The following CIAO2A variants were observed in gnomAD, a reference collection of about 807,000 sequenced individuals.
CIAO2A encodes the protein MIP18 family protein FAM96A.
Under a neutral mutation model 22.4 loss-of-function variants are expected in CIAO2A, and 17 were observed. The ratio of observed to expected loss-of-function variants is 0.76; its 90% CI spans 0.52 to 1.14. The LOEUF is 1.14. CIAO2A is among the 50% of genes most tolerant of loss of function. The probability of loss-of-function intolerance (pLI) is 0.00; values close to 1 mark genes in which losing one functional copy is unlikely to be tolerated. For missense variants in CIAO2A, 192 were observed against 191.4 expected (o/e 1.00, Z -0.02); for synonymous variants, 74 against 72.3 (o/e 1.02, Z -0.12).
intron 1 of CIAO2A, among the ~76,000 whole-genome samples, chr15:64,091,569 T>C (rs1336040250): frequency 1.3e-5 from 2 of 152,050 alleles, no homozygotes; most frequent in African/African-American, 4.8e-5. Context: ...CAGAGCTGTG[T>C]TATCATGGGA....
At chr15:64,082,506 G>GCAT (rs2080765242) in intron 2 of CIAO2A, among the ~76,000 whole-genome samples, 1 of 152,164 alleles carries the variant, frequency 6.6e-6, no homozygotes, top group Non-Finnish European at 1.5e-5. Flanking sequence ...GGTATTATAG[G>GCAT]CATGAGCCAC....
At chr15:64,076,075 C>G (rs149006689) in intron 3 of CIAO2A, among the ~76,000 whole-genome samples, 14 of 151,700 alleles carry the variant, frequency 9.2e-5, no homozygotes, top group Non-Finnish European at 1.8e-4. Context: ...CTGGAAAAGG[C>G]CTGCAGGTGG....
chr15:64,078,228 T>C (rs1193145209), intron 3 of CIAO2A, among the ~76,000 whole-genome samples: 1 of 152,186 alleles, frequency 6.6e-6, no homozygotes, highest in Non-Finnish European at 1.5e-5. Context: ...ACCACTAGTA[T>C]AATAATTTAT....
chr15:64,083,543 C>A (rs1161152601), intron 2 of CIAO2A, among the ~76,000 whole-genome samples: 1 of 152,182 alleles, frequency 6.6e-6, no homozygotes, highest in Admixed American at 6.5e-5. Flanking sequence ...ACTACCTGCT[C>A]TGGAGGAATA....
chr15:64,080,989 G>A, intron 3 of CIAO2A, 113 bp downstream of exon 3: 1 of 1,029,132 alleles, frequency 9.7e-7, no homozygotes, highest in Non-Finnish European at 1.4e-6. Flanking sequence ...TAACAGACAA[G>A]CAAAAACCAC....
At chr15:64,093,408 T>A (rs927453675) in intron 1 of CIAO2A, among the ~76,000 whole-genome samples, 1 of 152,018 alleles carries the variant, frequency 6.6e-6, no homozygotes, top group Non-Finnish European at 1.5e-5. Flanking sequence ...TGGGTTCGGC[T>A]TGCCCCAGGT....
intron 2 of CIAO2A, among the ~76,000 whole-genome samples, chr15:64,085,653 TG>T (rs888484221): frequency 8.5e-5 from 13 of 152,212 alleles, no homozygotes; most frequent in Non-Finnish European, 1.8e-4. Context: ...TTAAGTAACT[TG>T]CCGAAGCCCA....
chr15:64,090,970 G>C (rs1002622541), intron 1 of CIAO2A, among the ~76,000 whole-genome samples: 4 of 152,152 alleles, frequency 2.6e-5, no homozygotes, highest in African/African-American at 9.7e-5. Flanking sequence ...TCTGAGGCTG[G>C]AGAAAGAGAT....
intron 3 of CIAO2A, among the ~76,000 whole-genome samples, chr15:64,076,705 A>G (rs543668257): frequency 6.6e-6 from 1 of 151,394 alleles, no homozygotes; most frequent in East Asian, 2.0e-4. Context: ...AGGGACCTTA[A>G]AGGTCATCTA....
intron 1 of CIAO2A, 94 bp downstream of exon 1, chr15:64,093,551 C>T (rs1367953317): frequency 7.3e-7 from 1 of 1,368,744 alleles, no homozygotes; most frequent in Non-Finnish European, 9.8e-7. Flanking sequence ...AAAGGTCTCC[C>T]CTCCCAGCCC....
chr15:64,073,675 C>T (rs1317643619), intron 4 of CIAO2A: 1 of 152,276 alleles, frequency 6.6e-6, no homozygotes, highest in Non-Finnish European at 1.5e-5. Context: ...AATCATAGCT[C>T]ACTGTAACCT....
intron 1 of CIAO2A, among the ~76,000 whole-genome samples, chr15:64,093,362 T>C (rs1203361397): frequency 6.6e-6 from 1 of 152,054 alleles, no homozygotes; most frequent in Non-Finnish European, 1.5e-5. Flanking sequence ...TACTAAGACG[T>C]AGGCCACACG....
Position 64,091,483 on chromosome 15 carries a change from C to CA in CIAO2A, c.124+2161dup, listed in dbSNP as rs35800673. On this transcript the variant is annotated intron_variant, in intron 1 of 4. Transcript: ENST00000300030. ...CTGGGTGACAGAAGAGACTCTGTCTCAAAAAAAAAAAAAAAAGAAAGAAAG... is the reference window on the plus strand; with the variant it reads ...CTGGGTGACAGAAGAGACTCTGTCTCAAAAAAAAAAAAAAAAAGAAAGAAAG... Among the ~76,000 whole-genome samples the CA allele has an allele frequency of 5.2e-3, 633 of 121,442 alleles. 4 individuals carry two copies. The highest frequency in any genetic ancestry group is 0.017 in the African/African-American group (575 of 33,398). 79.7% of individuals were successfully genotyped at this position (121,442 alleles called of 152,430 possible).
At chr15:64,090,224 TC>T (rs2080829632) in intron 1 of CIAO2A, 1 of 166,598 alleles carries the variant, frequency 6.0e-6, no homozygotes, top group South Asian at 1.2e-4. Flanking sequence ...GCGCCTGTAA[TC>T]CCAGCTACTT....
At position 64,075,071 on chromosome 15, in the gene CIAO2A, A is replaced by T. The variant is rs78847153; in HGVS notation, c.385+421T>A. On this transcript the variant is annotated intron_variant, in intron 4 of 4. Coordinates refer to ENST00000300030, the MANE Select transcript of CIAO2A (RefSeq NM_032231.7). ...AGGCCAGAGGTCCTCTATATAAAAA[A>T]GGTTCCCCACTCCCATTCTAATATA... 6.6e-3 allele frequency: 1,005 copies of T among 153,256 alleles called. 10 individuals carry two copies. The highest frequency in any genetic ancestry group is 0.017 in the African/African-American group (691 of 41,598). The allele number at this position is 153,256 out of a possible 1,614,324, so 9.5% of individuals were successfully genotyped here. A position where few individuals can be genotyped will look rare whatever the true frequency, so the allele number is the denominator to read the frequency against.
intron 1 of CIAO2A, 133 bp downstream of exon 1, chr15:64,093,512 C>T: frequency 1.7e-6 from 2 of 1,147,826 alleles, no homozygotes; most frequent in Non-Finnish European, 1.2e-6. Flanking sequence ...AAGATCTGGC[C>T]AAAAACAAAC....
chr15:64,083,768 C>T lies in CIAO2A; in HGVS notation c.290-2617G>A, dbSNP rs576290267. Among the ~76,000 whole-genome samples the T allele has an allele frequency of 9.2e-5, 14 of 152,062 alleles. No individual in the cohort carries two copies. The South Asian group carries it at 2.9e-3, about 32-fold the overall frequency. ...GACTAGCCTGGGTAACATGGAGAAACCCCGTCTCTATTGAAAATACAAAAA... is the reference window on the plus strand; with the variant it reads ...GACTAGCCTGGGTAACATGGAGAAATCCCGTCTCTATTGAAAATACAAAAA... On this transcript the variant is annotated intron_variant, in intron 2 of 4. Transcript: ENST00000300030.
chr15:64,073,369 A>G (rs2080690085), intron 4 of CIAO2A, among the ~76,000 whole-genome samples: 1 of 152,212 alleles, frequency 6.6e-6, no homozygotes, highest in South Asian at 2.1e-4. Context: ...TAACATGGTA[A>G]AAGTCTTAAG....
chr15:64,084,890 C>A (rs942851111), intron 2 of CIAO2A, among the ~76,000 whole-genome samples: 1 of 151,646 alleles, frequency 6.6e-6, no homozygotes. Flanking sequence ...GTCACAAGTT[C>A]GAGACCAGCC....
Sources: gnomAD v4.1 joint callset for allele counts (sites outside exome capture counted in the v4.1 genomes callset) on GRCh38, gnomAD v4.1.1 for gene constraint, MANE v1.5 for transcripts, NCBI Gene and HGNC (gene_info 2026-07-23, HGNC 2026-07-21) for gene names.